Variants in SYN2 observed in about 807,000 individuals in gnomAD.
SYN2 encodes the protein synapsin II.
A neutral mutation model predicts 50.9 loss-of-function variants in SYN2; 19 were observed. That is an observed-to-expected ratio of 0.37 (90% CI 0.26 to 0.55). SYN2 has a LOEUF of 0.55. Among genes scored for constraint, SYN2 ranks in the 20% least tolerant of loss-of-function variants. The probability of loss-of-function intolerance (pLI) is 0.81; values close to 1 mark genes in which losing one functional copy is unlikely to be tolerated. For synonymous variants in SYN2, 255 were observed against 224.9 expected (o/e 1.13, Z -1.20); for missense variants, 587 against 576.4 (o/e 1.02, Z -0.19).
intron 5 of SYN2, chr3:12,158,955 G>A: frequency 7.2e-7 from 1 of 1,385,426 alleles, no homozygotes; most frequent in East Asian, 2.8e-5. Flanking sequence ...GTGGCCCTAA[G>A]GGCCAATCCC....
chr3:12,055,445 TGAA>T (rs1261501096), intron 1 of SYN2, among the ~76,000 whole-genome samples: 1 of 151,460 alleles, frequency 6.6e-6, no homozygotes, highest in Non-Finnish European at 1.5e-5. Context: ...AGTTATCAAA[TGAA>T]GAGAATAAAC....
chr3:12,127,108 C>T (rs1317201500), intron 1 of SYN2, among the ~76,000 whole-genome samples: 2 of 152,156 alleles, frequency 1.3e-5, no homozygotes, highest in Non-Finnish European at 2.9e-5. Flanking sequence ...AACGTCTTTT[C>T]AAAGGAATGT....
At chr3:12,149,290 A>G (rs1697223485) in intron 4 of SYN2, among the ~76,000 whole-genome samples, 1 of 152,228 alleles carries the variant, frequency 6.6e-6, no homozygotes, top group Admixed American at 6.5e-5. Flanking sequence ...CTCCCTAGGG[A>G]TGCTGGAGAG....
At chr3:12,120,522 G>C (rs143020503) in intron 1 of SYN2, among the ~76,000 whole-genome samples, 1 of 152,288 alleles carries the variant, frequency 6.6e-6, no homozygotes, top group Non-Finnish European at 1.5e-5. Flanking sequence ...GATTCAGGCA[G>C]GTCATGGTGG....
chr3:12,156,058 T>C (rs1383918274), intron 5 of SYN2, among the ~76,000 whole-genome samples: 5 of 152,226 alleles, frequency 3.3e-5, no homozygotes, highest in Non-Finnish European at 7.3e-5. Flanking sequence ...GCCTTGTTAC[T>C]GAATCTCCAC....
At chr3:12,134,050 G>T (rs1696844285) in intron 1 of SYN2, among the ~76,000 whole-genome samples, 1 of 152,142 alleles carries the variant, frequency 6.6e-6, no homozygotes, top group African/African-American at 2.4e-5. Context: ...ACGACATTGT[G>T]AATACCATTG....
intron 1 of SYN2, among the ~76,000 whole-genome samples, chr3:12,055,578 A>T (rs1395020699): frequency 7.2e-5 from 11 of 152,206 alleles, no homozygotes; most frequent in African/African-American, 2.2e-4. Flanking sequence ...ATTTGCAGTT[A>T]TGAATTTTTA....
chr3:12,053,429 AAAAAC>A (rs201684567), intron 1 of SYN2, among the ~76,000 whole-genome samples: 22 of 152,236 alleles, frequency 1.4e-4, no homozygotes, highest in East Asian at 3.9e-4. Context: ...TCAAAAAACA[AAAAAC>A]AAAACAAAAC....
At chr3:12,136,554 C>T (rs1247004153) in intron 1 of SYN2, among the ~76,000 whole-genome samples, 1 of 152,102 alleles carries the variant, frequency 6.6e-6, no homozygotes, top group East Asian at 1.9e-4. Flanking sequence ...TTAAGCTAGG[C>T]TTGCCTGGGT....
intron 6 of SYN2, 56 bp from the exon 7 acceptor site, chr3:12,161,956 C>T: frequency 2.5e-6 from 4 of 1,598,130 alleles, no homozygotes; most frequent in Non-Finnish European, 3.4e-6. Flanking sequence ...TGTGACTTCT[C>T]AGTGTGTGTA....
At chr3:12,174,749 G>A (rs2097928864) in intron 10 of SYN2, among the ~76,000 whole-genome samples, 1 of 152,112 alleles carries the variant, frequency 6.6e-6, no homozygotes, top group African/African-American at 2.4e-5. Flanking sequence ...CAAAATGTTG[G>A]GATTACAGGC....
At chr3:12,129,351 A>G (rs1451355220) in intron 1 of SYN2, among the ~76,000 whole-genome samples, 2 of 152,174 alleles carry the variant, frequency 1.3e-5, no homozygotes, top group East Asian at 1.9e-4. Flanking sequence ...AATTCTAACA[A>G]ACTTTGGAAA....
intron 1 of SYN2, among the ~76,000 whole-genome samples, chr3:12,057,108 G>A (rs1159757795): frequency 2.0e-5 from 3 of 152,054 alleles, no homozygotes; most frequent in African/African-American, 2.4e-5. Context: ...CTTGGCCAAC[G>A]TGGTGAAAAC....
intron 1 of SYN2, among the ~76,000 whole-genome samples, chr3:12,031,909 T>G (rs201629897): frequency 0.6 from 74,247 of 123,280 alleles, 24,302 homozygotes; most frequent in Middle Eastern, 0.73. Flanking sequence ...ATGTGTGAAT[T>G]TGATCCTGTC....
intron 1 of SYN2, among the ~76,000 whole-genome samples, chr3:12,025,346 G>A (rs1297169985): frequency 6.6e-6 from 1 of 152,172 alleles, no homozygotes; most frequent in African/African-American, 2.4e-5. Context: ...AGGCTTTTAT[G>A]TTATAGGAAA....
rs1450377298 is a variant in SYN2, at chr3:12,183,348, C to T, written c.1345C>T (p.Pro449Ser). The T allele has an allele frequency of 6.2e-7, 1 of 1,613,706 alleles. No homozygotes were observed. The highest frequency in any genetic ancestry group is 1.3e-5 in the African/African-American group (1 of 74,896). Reference sequence around the variant, plus strand: ...TAAGGATCCGGACTCAAGCAAGACCCCACCTCAGCGGCCACCCCCTCAAGG... The same window carrying T: ...TAAGGATCCGGACTCAAGCAAGACCTCACCTCAGCGGCCACCCCCTCAAGG... Reference protein sequence around the residue: ...TLKDPDSSKTPPQRPPPQGGP... With the variant: ...TLKDPDSSKTSPQRPPPQGGP... The change falls in exon 11 of 13, where the codon CCA becomes TCA. Residue 449 changes from proline to serine, a missense_variant. Transcript: ENST00000621198.
At chr3:12,144,411 A>G (rs956037052) in intron 3 of SYN2, among the ~76,000 whole-genome samples, 2 of 152,112 alleles carry the variant, frequency 1.3e-5, no homozygotes, top group Admixed American at 1.3e-4. Context: ...TGCCTATTTT[A>G]AGGAGCAGCT....
At chr3:12,154,388 T>G in intron 5 of SYN2, 1 of 1,614,154 alleles carries the variant, frequency 6.2e-7, no homozygotes, top group Non-Finnish European at 8.5e-7. Context: ...CAAGGACAGG[T>G]CCTCCCAGGG....
intron 1 of SYN2, among the ~76,000 whole-genome samples, chr3:12,022,725 T>C (rs1393606784): frequency 1.3e-5 from 2 of 151,346 alleles, no homozygotes; most frequent in Non-Finnish European, 2.9e-5. Context: ...TAAATTTTTT[T>C]TTTGTAGAGA....
Sources: allele counts gnomAD v4.1 joint callset (sites outside exome capture counted in the v4.1 genomes callset), GRCh38; gene constraint gnomAD v4.1.1; transcripts MANE v1.5; gene names NCBI Gene and HGNC (gene_info 2026-07-23, HGNC 2026-07-21).